The following ANAPC5 variants were observed in gnomAD, a reference collection of about 807,000 sequenced individuals.
The protein encoded by ANAPC5 is anaphase-promoting complex subunit 5.
Under a neutral mutation model 91.3 loss-of-function variants are expected in ANAPC5, and 60 were observed. The ratio of observed to expected loss-of-function variants is 0.66; its 90% confidence interval spans 0.53 to 0.81. The LOEUF (loss-of-function observed/expected upper bound fraction) is 0.81. Ranked by LOEUF, ANAPC5 falls within the 40% of genes least tolerant of loss-of-function variation. The pLI is 0.00. For missense variants in ANAPC5, 690 were observed against 931.5 expected, an observed-to-expected ratio of 0.74 and a Z score of 3.37; for synonymous variants, 340 against 364.1, an observed-to-expected ratio of 0.93 and a Z score of 0.75.
At chr12:121,319,845 G>C in intron 12 of ANAPC5, 27 bp from the exon 13 acceptor site, 1 of 1,579,486 alleles carries the variant, frequency 6.3e-7, no homozygotes, top group Non-Finnish European at 8.6e-7. Context: ...ACACAATTAA[G>C]TACAAAATGG....
chr12:121,350,660 G>A (rs1469299405), intron 1 of ANAPC5, among the ~76,000 whole-genome samples: 1 of 141,286 alleles, frequency 7.1e-6, no homozygotes, highest in African/African-American at 2.5e-5. Flanking sequence ...TGGCCTGAGC[G>A]ACGGAGCGAG....
chr12:121,349,575 TA>T (rs201734457), intron 1 of ANAPC5, among the ~76,000 whole-genome samples: 18 of 146,424 alleles, frequency 1.2e-4, no homozygotes, highest in African/African-American at 3.5e-4. Context: ...CTAAAAAAAT[TA>T]AAAAAAAAAT....
intron 5 of ANAPC5, among the ~76,000 whole-genome samples, chr12:121,338,512 T>C (rs71454687): frequency 0.049 from 7,453 of 151,842 alleles, 194 homozygotes; most frequent in South Asian, 0.083. Flanking sequence ...TCACTTGAAC[T>C]CGGGAGGCAG....
intron 5 of ANAPC5, among the ~76,000 whole-genome samples, chr12:121,339,778 GTTAA>G (rs1903372749): frequency 6.6e-6 from 1 of 150,448 alleles, no homozygotes. Flanking sequence ...CTGTTTGCCT[GTTAA>G]TTATGTTAAA....
intron 1 of ANAPC5, among the ~76,000 whole-genome samples, chr12:121,351,513 A>G (rs1318146571): frequency 1.3e-5 from 2 of 150,260 alleles, no homozygotes; most frequent in Non-Finnish European, 3.0e-5. Context: ...GCTGGAGTGC[A>G]GTGGCGCGAT....
At chr12:121,330,541 C>A (rs145735955) in intron 9 of ANAPC5, 42 bp downstream of exon 9, 14 of 1,550,676 alleles carry the variant, frequency 9.0e-6, no homozygotes, top group Non-Finnish European at 1.2e-5. Context: ...GACAAAGGCT[C>A]GACCATTTAT....
Position 121,347,843 on chromosome 12 carries a change from A to G in ANAPC5, c.246T>C (p.Ile82=), listed in dbSNP as rs782292084. Residue 82 remains isoleucine (I), a synonymous_variant, in exon 2 of 17, where the codon ATT becomes ATC. Coordinates refer to ENST00000261819, the MANE Select transcript of ANAPC5 (RefSeq NM_016237.5). ...DITLSKLYKL[I]EESCPQLANS... is the part of the protein sequence containing the mutation. ...TTGCCAGCTGTGGACAAGACTCTTC[A>G]ATTAACTTGTAAAGTTTTGACAGTG... 1 of 1,613,874 alleles carries G rather than the reference A, an allele frequency of 6.2e-7. No homozygotes were observed.
At chr12:121,334,717 AC>A (rs1903164860) in intron 7 of ANAPC5, 1 of 152,194 alleles carries the variant, frequency 6.6e-6, no homozygotes, top group South Asian at 2.1e-4. Context: ...CTGAAAGCAA[AC>A]CTGACTTTCA....
chr12:121,327,368 C>T (rs1037726147), intron 10 of ANAPC5, 137 bp from the exon 11 acceptor site: 18 of 1,052,712 alleles, frequency 1.7e-5, no homozygotes, highest in Non-Finnish European at 2.4e-5. Context: ...GCAGATGCCT[C>T]CCAGTGCCAG....
In ANAPC5 at chr12:121,337,147, G is replaced by T. The variant is rs1306981576; in HGVS notation, c.759+144C>A. 7.0e-6 allele frequency: 4 copies of T among 573,884 alleles called. No individual in the cohort carries two copies. In the Admixed American group the frequency reaches 1.0e-4, roughly 15 times the overall value. The allele number at this position is 573,884 out of a possible 1,614,324, so 35.5% of individuals were successfully genotyped here. A position where few individuals can be genotyped will look rare whatever the true frequency, so the allele number is the denominator to read the frequency against. On this transcript the variant is annotated intron_variant, in intron 6 of 16. Coordinates refer to ENST00000261819, the MANE Select transcript of ANAPC5 (RefSeq NM_016237.5). ...GCAGGAGAATCACTTGAACCAGGGA[G>T]TCGGAGGTTGCAGTGAGCCAAGGTC...
At chr12:121,350,775 CT>C (rs368058151) in intron 1 of ANAPC5, among the ~76,000 whole-genome samples, 4 of 151,932 alleles carry the variant, frequency 2.6e-5, no homozygotes, top group Admixed American at 6.6e-5. Context: ...TTCTAGGAGG[CT>C]TTGGGGATGT....
At chr12:121,317,371 A>G (rs1902411092) in intron 15 of ANAPC5, among the ~76,000 whole-genome samples, 1 of 150,838 alleles carries the variant, frequency 6.6e-6, no homozygotes, top group Non-Finnish European at 1.5e-5. Context: ...CTCCTGCCTC[A>G]GCCTCCCGAG....
chr12:121,341,929 C>T, intron 5 of ANAPC5, 74 bp downstream of exon 5: 1 of 1,220,756 alleles, frequency 8.2e-7, no homozygotes. Context: ...GCCTATGCCA[C>T]AACACACATC....
intron 11 of ANAPC5, 100 bp from the exon 12 acceptor site, chr12:121,320,559 G>T: frequency 1.1e-6 from 1 of 927,936 alleles, no homozygotes; most frequent in Non-Finnish European, 1.7e-6. Context: ...TCCCGTTCTT[G>T]ATGCAGCAAC....
rs530999642 is a variant in ANAPC5 at position 121,342,475 on chromosome 12, G to A, written c.591-406C>T. Among the ~76,000 whole-genome samples the A allele has an allele frequency of 3.3e-5, 5 of 152,140 alleles. No individual in the cohort carries two copies. Among genetic ancestry groups the A allele is most frequent in the East Asian group, 1.9e-4 (1 of 5,178 alleles). ...AGACCTCAATGTGAGGCCAAAAACC[G>A]TAAAACTCTTAGAAGATCTTCCTTC... On this transcript the variant is annotated intron_variant, in intron 4 of 16. Transcript: ENST00000261819. The surrounding 1 kb of genome is among the most constrained non-coding windows in gnomAD (Gnocchi z 4.1).
intron 6 of ANAPC5, 41 bp downstream of exon 6, chr12:121,337,250 A>G (rs1555273583): frequency 2.0e-6 from 3 of 1,537,668 alleles, no homozygotes; most frequent in Admixed American, 3.4e-5. Context: ...TTGCCTTGTC[A>G]TTCCTTTCCA....
chr12:121,346,937 A>G lies in ANAPC5; in HGVS notation c.356T>C (p.Phe119Ser), dbSNP rs1566198197. ...GTGAACCTCTGGTTCAGTTCCAGAG[A>G]AAGAATCTGAAAGGTCATCAAAAAA... is the stretch of plus-strand genomic sequence containing the variant. Reference protein sequence around the residue: ...EQFFDDLSDSFSGTEPEVHKT... With the variant: ...EQFFDDLSDSSSGTEPEVHKT... The change falls in exon 3 of 17, where the codon TTC becomes TCC. Residue 119 changes from phenylalanine (F) to serine (S), a missense_variant. Physicochemically the swap from Phe to Ser is radical, Grantham distance 155. This residue lies in a region of ANAPC5 where 238 missense variants were observed against 264.9 expected (regional missense o/e 0.90). Transcript: ENST00000261819. 6.2e-7 allele frequency: 1 copy of G among 1,612,222 alleles called. No individual in the cohort carries two copies. The highest frequency in any genetic ancestry group is 8.5e-7 in the Non-Finnish European group (1 of 1,179,524).
intron 2 of ANAPC5, chr12:121,347,207 T>A (rs1903702737): frequency 2.0e-6 from 1 of 511,844 alleles, no homozygotes; most frequent in Non-Finnish European, 3.4e-6. Context: ...TTCTTGATCA[T>A]AAAATTTGTC....
intron 15 of ANAPC5, among the ~76,000 whole-genome samples, chr12:121,315,847 GAGAAGAAAACAT>G (rs1376944029): frequency 6.6e-6 from 1 of 152,116 alleles, no homozygotes; most frequent in Admixed American, 6.5e-5. Flanking sequence ...ATAATACTGT[GAGAAGAAAACAT>G]AGAAGAAAAT....
Sources: gnomAD v4.1 joint callset for allele counts (sites outside exome capture counted in the v4.1 genomes callset) on GRCh38, gnomAD v4.1.1 for gene constraint, gnomAD v4.1.1 regional missense constraint, Gnocchi (gnomAD v3.1) non-coding constraint, MANE v1.5 for transcripts, NCBI Gene and HGNC (gene_info 2026-07-23, HGNC 2026-07-21) for gene names.